The following UNC13C variants were observed in gnomAD, a reference collection of about 807,000 sequenced individuals.
UNC13C encodes the protein unc-13 homolog C, also known as protein unc-13 homolog C.
Under a neutral mutation model 245.4 loss-of-function variants are expected in UNC13C, and 174 were observed. That is an observed-to-expected ratio of 0.71 (90% CI 0.63 to 0.80). The LOEUF (loss-of-function observed/expected upper bound fraction) is 0.80. Ranked by LOEUF, UNC13C falls within the 30% of genes least tolerant of loss-of-function variation. The pLI is 0.00. For synonymous variants in UNC13C, 992 were observed against 895.1 expected, an observed-to-expected ratio of 1.11 and a Z score of -1.93; for missense variants, 2,829 against 2,602.9, an observed-to-expected ratio of 1.09 and a Z score of -1.89.
At chr15:54,201,837 T>C (rs907721543) in intron 4 of UNC13C, among the ~76,000 whole-genome samples, 1 of 151,946 alleles carries the variant, frequency 6.6e-6, no homozygotes, top group African/African-American at 2.4e-5. Flanking sequence ...GAGAAGGAAC[T>C]AAGGGGCATC....
intron 2 of UNC13C, among the ~76,000 whole-genome samples, chr15:54,038,172 A>G (rs1256938780): frequency 1.6e-5 from 2 of 128,418 alleles, no homozygotes; most frequent in African/African-American, 6.1e-5. Flanking sequence ...CACAAGCTGG[A>G]GTACAGTGGT....
At chr15:53,874,825 G>T in the UNC13C span, among the ~76,000 whole-genome samples, 132 of 152,314 alleles carry the variant, frequency 8.7e-4, 2 homozygotes, top group Middle Eastern at 3.4e-3. Context: ...GCTAGGCGCG[G>T]TGGCTCACGC....
At chr15:53,987,766 G>C (rs150886804) in intron 1 of UNC13C, among the ~76,000 whole-genome samples, 1,540 of 152,088 alleles carry the variant, frequency 0.01, 29 homozygotes, top group African/African-American at 0.036. Context: ...ATGTGACTGC[G>C]TTTACATTTT....
intron 17 of UNC13C, among the ~76,000 whole-genome samples, chr15:54,357,590 G>C (rs987352292): frequency 7.2e-5 from 11 of 151,960 alleles, no homozygotes; most frequent in Admixed American, 3.9e-4. Flanking sequence ...AAATTGAAGA[G>C]GTTTCAGCAT....
At chr15:53,883,448 G>A in the UNC13C span, among the ~76,000 whole-genome samples, 1 of 152,152 alleles carries the variant, frequency 6.6e-6, no homozygotes, top group African/African-American at 2.4e-5. Context: ...TAACTTTAAA[G>A]ATAACTGTCT....
At position 54,014,435 on chromosome 15, in the gene UNC13C, C is replaced by T. The variant is rs866246818; in HGVS notation, c.1532C>T (p.Ser511Phe). 11 of 1,613,630 alleles carry T rather than the reference C, an allele frequency of 6.8e-6. No homozygotes were observed. In the Admixed American group the frequency reaches 1.8e-4, roughly 27 times the overall value. ...AATAAATCAGATTATGATAAAATCT[C>T]CTCACAGTTGCCAGAATCAGATATC... ...ISNKSDYDKI[S>F]SQLPESDILE... is the part of the protein sequence containing the mutation. The change falls in exon 2 of 33, where the codon TCC becomes TTC. Residue 511 changes from serine to phenylalanine, a missense_variant. Coordinates refer to ENST00000260323, the MANE Select transcript of UNC13C (RefSeq NM_001080534.3).
the UNC13C span, among the ~76,000 whole-genome samples, chr15:53,859,354 T>A: frequency 6.6e-6 from 1 of 152,144 alleles, no homozygotes; most frequent in Non-Finnish European, 1.5e-5. Context: ...TGAATGCATG[T>A]TCTGGGCCAA....
At chr15:54,112,294 C>T (rs1420935427) in intron 2 of UNC13C, among the ~76,000 whole-genome samples, 1 of 152,130 alleles carries the variant, frequency 6.6e-6, no homozygotes, top group African/African-American at 2.4e-5. Context: ...GAGAGTAGCT[C>T]TCTTTCCTGC....
the UNC13C span, among the ~76,000 whole-genome samples, chr15:53,851,791 G>A: frequency 6.6e-6 from 1 of 152,152 alleles, no homozygotes; most frequent in Non-Finnish European, 1.5e-5. Flanking sequence ...CTCCATAGAA[G>A]CCCAAGAAGA....
chr15:54,314,080 A>T (rs111926104), intron 13 of UNC13C, among the ~76,000 whole-genome samples: 2 of 151,434 alleles, frequency 1.3e-5, no homozygotes, highest in African/African-American at 4.8e-5. Flanking sequence ...ATCAAAAAAA[A>T]AAAACAAAAC....
chr15:54,418,564 T>G (rs2040568790), intron 19 of UNC13C, among the ~76,000 whole-genome samples: 1 of 152,058 alleles, frequency 6.6e-6, no homozygotes, highest in South Asian at 2.1e-4. Context: ...TCGAAGAGAT[T>G]AGACACACTA....
intron 13 of UNC13C, chr15:54,321,454 C>A: frequency 2.0e-6 from 1 of 492,250 alleles, no homozygotes; most frequent in South Asian, 1.5e-5. Context: ...GCCTTTGCGG[C>A]CTTGCGTTCA....
At chr15:54,452,794 C>G (rs1270826511) in intron 19 of UNC13C, among the ~76,000 whole-genome samples, 1 of 152,192 alleles carries the variant, frequency 6.6e-6, no homozygotes, top group Non-Finnish European at 1.5e-5. Context: ...GGAGTGTGCA[C>G]TTTGGCCCCA....
At chr15:54,610,427 G>C (rs565153448) in intron 30 of UNC13C, among the ~76,000 whole-genome samples, 7 of 152,042 alleles carry the variant, frequency 4.6e-5, no homozygotes, top group Non-Finnish European at 7.4e-5. Context: ...GTAGAGGCAG[G>C]GTTTCACGAT....
At chr15:54,321,096 T>C in intron 13 of UNC13C, 2 of 502,506 alleles carry the variant, frequency 4.0e-6, no homozygotes, top group Admixed American at 2.1e-5. Flanking sequence ...TAGGACCACT[T>C]TGACCTCTTC....
At chr15:54,520,584 C>T (rs28664676) in intron 24 of UNC13C, among the ~76,000 whole-genome samples, 34,562 of 151,728 alleles carry the variant, frequency 0.23, 4,066 homozygotes, top group Admixed American at 0.32. Flanking sequence ...GAAAAGAAGA[C>T]TGAAAAAGGA....
At chr15:54,357,822 A>G (rs546486003) in intron 17 of UNC13C, among the ~76,000 whole-genome samples, 10 of 151,938 alleles carry the variant, frequency 6.6e-5, no homozygotes, top group Non-Finnish European at 1.2e-4. Flanking sequence ...CACATTTTTC[A>G]CATATATATG....
chr15:54,140,704 A>C (rs2031977476), intron 2 of UNC13C, among the ~76,000 whole-genome samples: 1 of 152,240 alleles, frequency 6.6e-6, no homozygotes. Context: ...CAGAAATGGA[A>C]CTTCAAGAAT....
At chr15:54,495,255 A>G (rs1159498796) in intron 20 of UNC13C, among the ~76,000 whole-genome samples, 2 of 152,076 alleles carry the variant, frequency 1.3e-5, no homozygotes, top group Admixed American at 1.3e-4. Context: ...GTTTTATTCT[A>G]TTGATGGGGT....
Sources: gnomAD v4.1 joint callset for allele counts (sites outside exome capture counted in the v4.1 genomes callset) on GRCh38, gnomAD v4.1.1 for gene constraint, MANE v1.5 for transcripts, NCBI Gene and HGNC (gene_info 2026-07-23, HGNC 2026-07-21) for gene names.